Variants in SMARCAD1 observed in about 807,000 individuals in gnomAD.
SMARCAD1 encodes SWI/SNF-related matrix-associated actin-dependent regulator of chromatin subfamily A containing DEAD/H box 1.
Under a neutral mutation model 127.1 loss-of-function variants are expected in SMARCAD1, and 25 were observed. The observed-to-expected ratio is 0.20, with a 90% confidence interval of 0.14 to 0.27. SMARCAD1 has a LOEUF of 0.27. SMARCAD1 is among the 10% of genes least tolerant of loss of function. The pLI is 1.00. For missense variants in SMARCAD1, 807 were observed against 1,206.0 expected, an observed-to-expected ratio of 0.67 and a Z score of 4.90; for synonymous variants, 400 against 396.9, an observed-to-expected ratio of 1.01 and a Z score of -0.09.
intron 6 of SMARCAD1, among the ~76,000 whole-genome samples, chr4:94,241,512 C>T (rs1747571620): frequency 1.3e-5 from 2 of 152,144 alleles, no homozygotes; most frequent in African/African-American, 2.4e-5. Flanking sequence ...AATAAGGTCA[C>T]ATTCTGAGGT....
At chr4:94,275,661 A>G (rs6817118) in intron 14 of SMARCAD1, among the ~76,000 whole-genome samples, 21,942 of 152,120 alleles carry the variant, frequency 0.14, 1,811 homozygotes, top group Non-Finnish European at 0.19. Context: ...TTAAAGAGAA[A>G]CATGTTTTAG....
At chr4:94,267,418 C>T (rs1384222689) in intron 10 of SMARCAD1, among the ~76,000 whole-genome samples, 1 of 152,152 alleles carries the variant, frequency 6.6e-6, no homozygotes, top group Non-Finnish European at 1.5e-5. Flanking sequence ...AACCTGTTTT[C>T]TATGAACTGC....
chr4:94,208,473 C>A lies in SMARCAD1; in HGVS notation c.79C>A (p.Pro27Thr). ...IEEAPEATPQ[P>T]SQPGPSSPIS... The stretch of plus-strand genomic sequence containing the variant: ...GGAAGCGCCCGAAGCAACCCCTCAA[C>A]CTTCCCAGCCTGGCCCTTCTTCACC... The change falls in exon 2 of 24, where the codon CCT becomes ACT. Residue 27 changes from proline to threonine, a missense_variant. Pro to Thr is a conservative substitution (Grantham distance 38). Transcript: ENST00000354268. 6.2e-7 allele frequency: 1 copy of A among 1,614,124 alleles called. No individual in the cohort carries two copies. The highest frequency in any genetic ancestry group is 8.5e-7 in the Non-Finnish European group (1 of 1,180,020).
intron 9 of SMARCAD1, among the ~76,000 whole-genome samples, chr4:94,257,027 G>T (rs1750204530): frequency 6.6e-6 from 1 of 152,168 alleles, no homozygotes; most frequent in South Asian, 2.1e-4. Context: ...TACAGTAAGA[G>T]TGACACACTG....
In SMARCAD1 at chr4:94,233,672, G is replaced by A. The variant is rs777315298; in HGVS notation, c.369-282G>A. ...GAGGAAGTGGGCATGCAATAAATGC[G>A]TGTGAGTCCTAACAAAATAAATGCT... On this transcript the variant is annotated intron_variant, in intron 3 of 23. Coordinates refer to ENST00000354268, the MANE Select transcript of SMARCAD1 (RefSeq NM_020159.5). Among the ~76,000 whole-genome samples, 6 of 152,304 alleles carry A rather than the reference G, an allele frequency of 3.9e-5. No homozygotes were observed. The East Asian group carries it at 7.7e-4, about 20-fold the overall frequency.
chr4:94,252,095 C>T (rs987271017), intron 8 of SMARCAD1, among the ~76,000 whole-genome samples: 1 of 152,130 alleles, frequency 6.6e-6, no homozygotes, highest in Admixed American at 6.5e-5. Flanking sequence ...TGTGATCTGC[C>T]CGCGTCGGCC....
At chr4:94,237,128 C>A (rs1434468954) in intron 5 of SMARCAD1, 110 bp downstream of exon 5, 9 of 941,896 alleles carry the variant, frequency 9.6e-6, no homozygotes, top group Non-Finnish European at 1.5e-5. Flanking sequence ...TGAATTCTTA[C>A]AGGAATTTGT....
intron 17 of SMARCAD1, 25 bp downstream of exon 17, chr4:94,278,542 ATTTTTATTGT>A (rs763579930): frequency 4.4e-6 from 7 of 1,608,564 alleles, no homozygotes; most frequent in Non-Finnish European, 2.6e-6. Context: ...CATGTTTTTT[ATTTTTATTGT>A]TTTTAAAACT....
chr4:94,222,502 C>G (rs1230072262), intron 2 of SMARCAD1, among the ~76,000 whole-genome samples: 1 of 148,008 alleles, frequency 6.8e-6, no homozygotes, highest in East Asian at 2.0e-4. Flanking sequence ...TGTGAGGATG[C>G]CACTTGGTTC....
intron 12 of SMARCAD1, among the ~76,000 whole-genome samples, chr4:94,274,241 T>C (rs1412355531): frequency 6.6e-6 from 1 of 152,190 alleles, no homozygotes; most frequent in East Asian, 1.9e-4. Flanking sequence ...AACCTCAAGA[T>C]CATTTTACAT....
intron 3 of SMARCAD1, among the ~76,000 whole-genome samples, chr4:94,226,554 A>G (rs550927376): frequency 7.2e-4 from 101 of 139,572 alleles, no homozygotes; most frequent in Non-Finnish European, 1.3e-3. Context: ...GAGAGCAGAT[A>G]CTTAATTTCC....
chr4:94,269,912 A>G (rs182016970), intron 10 of SMARCAD1, among the ~76,000 whole-genome samples: 17 of 152,112 alleles, frequency 1.1e-4, no homozygotes, highest in Middle Eastern at 3.4e-3. Flanking sequence ...AGCTCAAGCA[A>G]TCTGCCCAGC....
At position 94,289,761 on chromosome 4, in the gene SMARCAD1, A is replaced by G. The variant is rs1463803614; in HGVS notation, c.*227A>G. 1.6e-6 allele frequency: 1 copy of G among 632,740 alleles called. No homozygotes were observed. Among genetic ancestry groups the G allele is most frequent in the South Asian group, 1.5e-5 (1 of 65,844 alleles). 39.2% of individuals were successfully genotyped at this position (632,740 alleles called of 1,614,324 possible). ...CAAATATGTAGTTCTGAAGATGTTGAATAATCATTTTACAAAGCAGTTTTC... is the reference window on the plus strand; with the variant it reads ...CAAATATGTAGTTCTGAAGATGTTGGATAATCATTTTACAAAGCAGTTTTC... On this transcript the variant is annotated 3_prime_UTR_variant, in exon 24 of 24. Transcript: ENST00000354268.
rs1440290167 is a variant in SMARCAD1, at chr4:94,282,108, T to TGTTTTTTTTG, written c.2726+518_2726+519insGTTTTTTTTG. Reference sequence around the variant, plus strand: ...TGCAAATACGTTTTTTTGTTTTTTTTTTTTTTTTTGAGACGGAGTCTCGCT... The same window carrying TGTTTTTTTTG: ...TGCAAATACGTTTTTTTGTTTTTTTTGTTTTTTTTGTTTTTTTTTGAGACGGAGTCTCGCT... On this transcript the variant is annotated intron_variant, in intron 21 of 23. Transcript: ENST00000354268. Among the ~76,000 whole-genome samples the TGTTTTTTTTG allele has an allele frequency of 9.7e-5, 9 of 93,208 alleles. 1 individual carries two copies. The East Asian group carries it at 2.5e-3, about 26-fold the overall frequency. 61.1% of individuals were successfully genotyped at this position (93,208 alleles called of 152,430 possible). A position where few individuals can be genotyped will look rare whatever the true frequency, so the allele number is the denominator to read the frequency against.
intron 6 of SMARCAD1, among the ~76,000 whole-genome samples, chr4:94,242,885 C>A (rs148566409): frequency 3.3e-5 from 5 of 152,198 alleles, no homozygotes; most frequent in African/African-American, 9.7e-5. Context: ...CACTGCACTC[C>A]AGCCTGGGTG....
chr4:94,225,249 C>T (rs1358116682), intron 2 of SMARCAD1, among the ~76,000 whole-genome samples: 1 of 152,072 alleles, frequency 6.6e-6, no homozygotes, highest in Admixed American at 6.6e-5. Flanking sequence ...CTTTGAAGTC[C>T]AAGATCAAGT....
rs1304602673 is a variant in SMARCAD1 at position 94,226,202 on chromosome 4, A to G, written c.274A>G (p.Ile92Val). The G allele has an allele frequency of 2.5e-6, 4 of 1,611,970 alleles. No homozygotes were observed. Among genetic ancestry groups the G allele is most frequent in the Admixed American group, 1.7e-5 (1 of 59,982 alleles). Residue 92 changes from isoleucine (I) to valine (V), a missense_variant, in exon 3 of 24, where the codon ATT (isoleucine) becomes GTT (valine). Around this residue, in one of 8 missense-constraint regions of SMARCAD1, gnomAD observed 175 missense variants for 169.5 expected, o/e 1.03. Transcript: ENST00000354268. ...YFKNQRGIQY[I>V]DLSSDSEDVV... ...CAAAAATCAAAGAGGAATACAGTAT[A>G]TTGATTTGTCTTCTGATAGTGAAGA...
At position 94,289,978 on chromosome 4, in the gene SMARCAD1, TTTTA is replaced by T; in HGVS notation, c.*447_*450del. 2.2e-6 allele frequency: 1 copy of T among 454,286 alleles called. No homozygotes were observed. Among genetic ancestry groups the T allele is most frequent in the Non-Finnish European group, 4.4e-6 (1 of 226,786 alleles). The allele number at this position is 454,286 out of a possible 1,614,324, so 28.1% of individuals were successfully genotyped here. A position where few individuals can be genotyped will look rare whatever the true frequency, so the allele number is the denominator to read the frequency against. On this transcript the variant is annotated 3_prime_UTR_variant, in exon 24 of 24. Coordinates refer to ENST00000354268, the MANE Select transcript of SMARCAD1 (RefSeq NM_020159.5). ...TTTGCTTGTCTCATTTGAAGTTCTT[TTTTA>T]TTATGTTAAAGAATGCAGCTGTATA...
chr4:94,251,231 A>G (rs187273689), intron 8 of SMARCAD1, among the ~76,000 whole-genome samples: 16 of 152,298 alleles, frequency 1.1e-4, no homozygotes, highest in Admixed American at 9.2e-4. Context: ...CAAAAGCACT[A>G]GCATCAAAAA....
Sources: gnomAD v4.1 joint callset for allele counts (sites outside exome capture counted in the v4.1 genomes callset) on GRCh38, gnomAD v4.1.1 for gene constraint, gnomAD v4.1.1 regional missense constraint, MANE v1.5 for transcripts, NCBI Gene and HGNC (gene_info 2026-07-23, HGNC 2026-07-21) for gene names.